Variants in NLGN1 observed in about 807,000 individuals in gnomAD.
The protein encoded by NLGN1 is neuroligin-1.
NLGN1 carries 12 observed loss-of-function variants against 65.5 expected under a neutral mutation model. The ratio of observed to expected loss-of-function variants is 0.18; its 90% CI spans 0.12 to 0.30. The LOEUF is 0.30. Among genes scored for constraint, NLGN1 ranks in the 10% least tolerant of loss-of-function variants. The pLI is 1.00. For missense variants in NLGN1, 750 were observed against 1,007.1 expected (o/e 0.74, Z 3.46); for synonymous variants, 350 against 359.5 (o/e 0.97, Z 0.30).
chr3:173,938,226 A>G (rs779073258), intron 4 of NLGN1, among the ~76,000 whole-genome samples: 10 of 152,212 alleles, frequency 6.6e-5, no homozygotes, highest in African/African-American at 4.8e-5. Context: ...GGCTCGGAGT[A>G]GAATGATACT....
chr3:174,189,273 G>A (rs767007450), intron 4 of NLGN1, among the ~76,000 whole-genome samples: 1 of 151,924 alleles, frequency 6.6e-6, no homozygotes, highest in Non-Finnish European at 1.5e-5. Context: ...CAACCCCTAT[G>A]CCCTCAGATG....
intron 4 of NLGN1, among the ~76,000 whole-genome samples, chr3:174,062,333 C>T (rs1340509628): frequency 2.6e-5 from 4 of 152,122 alleles, no homozygotes; most frequent in Admixed American, 6.6e-5. Flanking sequence ...AGAAGGACTA[C>T]GTATAGTTCT....
At chr3:173,572,050 C>T (rs1033806873) in intron 2 of NLGN1, among the ~76,000 whole-genome samples, 10 of 152,188 alleles carry the variant, frequency 6.6e-5, no homozygotes, top group African/African-American at 1.9e-4. Context: ...ATATCACTCA[C>T]GTTTTTCTGA....
chr3:173,591,765 C>A (rs1748526166), intron 2 of NLGN1, among the ~76,000 whole-genome samples: 1 of 152,152 alleles, frequency 6.6e-6, no homozygotes, highest in South Asian at 2.1e-4. Context: ...CAACTCACTA[C>A]ACACAAAAAT....
At chr3:174,080,826 C>G (rs908755110) in intron 4 of NLGN1, among the ~76,000 whole-genome samples, 10 of 151,534 alleles carry the variant, frequency 6.6e-5, no homozygotes, top group African/African-American at 2.4e-4. Flanking sequence ...GGGAGACTGC[C>G]TTTCCCTGGT....
intron 3 of NLGN1, among the ~76,000 whole-genome samples, chr3:173,654,155 ATTATC>A (rs1759625038): frequency 6.6e-6 from 1 of 152,152 alleles, no homozygotes; most frequent in Non-Finnish European, 1.5e-5. Context: ...AGCCAGAAAA[ATTATC>A]TTAGGGAGAA....
At chr3:173,854,515 C>CT (rs1349741054) in intron 4 of NLGN1, among the ~76,000 whole-genome samples, 1 of 152,028 alleles carries the variant, frequency 6.6e-6, no homozygotes, top group Non-Finnish European at 1.5e-5. Flanking sequence ...GGAGGAATGA[C>CT]TAACTTCTCT....
intron 4 of NLGN1, among the ~76,000 whole-genome samples, chr3:174,245,542 T>A (rs1488902553): frequency 6.6e-6 from 1 of 152,168 alleles, no homozygotes; most frequent in Non-Finnish European, 1.5e-5. Flanking sequence ...GGTTTTCACC[T>A]GGAATTAAAA....
chr3:173,422,019 TATCC>T (rs1294245634), intron 1 of NLGN1, among the ~76,000 whole-genome samples: 2 of 152,148 alleles, frequency 1.3e-5, no homozygotes, highest in Non-Finnish European at 2.9e-5. Flanking sequence ...ATAATTTGGT[TATCC>T]ATCAAATGCA....
chr3:174,232,132 C>T (rs769569023), intron 4 of NLGN1, among the ~76,000 whole-genome samples: 28 of 152,026 alleles, frequency 1.8e-4, no homozygotes, highest in Non-Finnish European at 3.4e-4. Context: ...AGAGAGTCAA[C>T]GATGGGAGGT....
chr3:174,028,964 G>C (rs1729377197), intron 4 of NLGN1, among the ~76,000 whole-genome samples: 1 of 152,024 alleles, frequency 6.6e-6, no homozygotes, highest in South Asian at 2.1e-4. Flanking sequence ...ATAGAGCTCA[G>C]GCCATCAGAG....
At chr3:173,780,081 TG>T (rs1355747867) in intron 3 of NLGN1, among the ~76,000 whole-genome samples, 14 of 152,196 alleles carry the variant, frequency 9.2e-5, no homozygotes, top group Admixed American at 7.2e-4. Flanking sequence ...ATTTTCTAGA[TG>T]GCTGCCCATG....
chr3:173,638,158 A>G (rs1408470322), intron 3 of NLGN1, among the ~76,000 whole-genome samples: 1 of 151,538 alleles, frequency 6.6e-6, no homozygotes, highest in Non-Finnish European at 1.5e-5. Flanking sequence ...TTGTTTTTTA[A>G]CCAATGAATA....
chr3:173,614,191 A>G (rs1752711954), intron 3 of NLGN1, among the ~76,000 whole-genome samples: 1 of 152,050 alleles, frequency 6.6e-6, no homozygotes, highest in African/African-American at 2.4e-5. Context: ...AAAGTGAAAG[A>G]AGGAAGAGCA....
At chr3:173,797,912 C>A (rs1714514595) in intron 3 of NLGN1, among the ~76,000 whole-genome samples, 1 of 152,086 alleles carries the variant, frequency 6.6e-6, no homozygotes, top group Non-Finnish European at 1.5e-5. Context: ...AGCTAGCCAG[C>A]TCTAAATACA....
intron 3 of NLGN1, among the ~76,000 whole-genome samples, chr3:173,725,775 C>T (rs1382929995): frequency 6.6e-6 from 1 of 152,106 alleles, no homozygotes; most frequent in Non-Finnish European, 1.5e-5. Context: ...AGAGGCTTGA[C>T]GGGGGAAAGA....
intron 4 of NLGN1, among the ~76,000 whole-genome samples, chr3:174,242,024 TCTTAA>T (rs1393414145): frequency 5.3e-5 from 8 of 152,140 alleles, no homozygotes; most frequent in Non-Finnish European, 2.9e-5. Flanking sequence ...ATGAAGCACT[TCTTAA>T]CTTATTTTCT....
intron 2 of NLGN1, among the ~76,000 whole-genome samples, chr3:173,466,550 G>C (rs1223378146): frequency 6.6e-6 from 1 of 152,020 alleles, no homozygotes; most frequent in Non-Finnish European, 1.5e-5. Flanking sequence ...TTGTATGCTA[G>C]GTGTATTAAC....
At chr3:173,642,885 G>A (rs887225553) in intron 3 of NLGN1, among the ~76,000 whole-genome samples, 4 of 152,102 alleles carry the variant, frequency 2.6e-5, no homozygotes, top group African/African-American at 9.7e-5. Context: ...AACTGACACT[G>A]TACTAGAACT....
Sources: gnomAD v4.1 joint callset for allele counts (sites outside exome capture counted in the v4.1 genomes callset) on GRCh38, gnomAD v4.1.1 for gene constraint, MANE v1.5 for transcripts, NCBI Gene and HGNC (gene_info 2026-07-23, HGNC 2026-07-21) for gene names.